AGAP1: variants seen among roughly 807,000 people sequenced by gnomAD.
AGAP1 encodes the protein ArfGAP with GTPase domain, ankyrin repeat and PH domain 1, also known as arf-GAP with GTPase, ANK repeat and PH domain-containing protein 1.
Under a neutral mutation model 105.3 loss-of-function variants are expected in AGAP1, and 29 were observed. That is an observed-to-expected ratio of 0.28 (90% CI 0.21 to 0.38). AGAP1 has a LOEUF of 0.38. Among genes scored for constraint, AGAP1 ranks in the 10% least tolerant of loss-of-function variants. The pLI, the probability that AGAP1 is intolerant of heterozygous loss-of-function variation, is 1.00. For missense variants in AGAP1, 998 were observed against 1,165.1 expected, an observed-to-expected ratio of 0.86 and a Z score of 2.09; for synonymous variants, 509 against 485.9, an observed-to-expected ratio of 1.05 and a Z score of -0.63.
At chr2:235,854,875 C>T (rs2106472476) in intron 9 of AGAP1, among the ~76,000 whole-genome samples, 1 of 152,218 alleles carries the variant, frequency 6.6e-6, no homozygotes, top group African/African-American at 2.4e-5. Context: ...GAGTCTGCAT[C>T]CTGTACAGTG....
chr2:235,779,978 A>G (rs531547781), intron 6 of AGAP1, among the ~76,000 whole-genome samples: 10 of 152,318 alleles, frequency 6.6e-5, no homozygotes, highest in Admixed American at 4.6e-4. Context: ...CCTCTATTCC[A>G]TTAAAGAATT....
At chr2:235,986,658 T>G (rs1334671652) in intron 13 of AGAP1, among the ~76,000 whole-genome samples, 5 of 152,234 alleles carry the variant, frequency 3.3e-5, no homozygotes, top group Admixed American at 6.5e-5. Flanking sequence ...GAATACCTAG[T>G]TTATTGAAAG....
intron 8 of AGAP1, among the ~76,000 whole-genome samples, chr2:235,803,857 C>T (rs1957705184): frequency 6.6e-6 from 1 of 152,102 alleles, no homozygotes; most frequent in Admixed American, 6.5e-5. Context: ...TTTTATTTCA[C>T]TTATTTCTTT....
In AGAP1 at chr2:235,793,140, G is replaced by A. The variant is rs1463807103; in HGVS notation, c.674-4619G>A. On this transcript the variant is annotated intron_variant, in intron 6 of 17. Transcript: ENST00000304032. This position sits in a 1 kb window ranked among gnomAD's most constrained non-coding sequence, Gnocchi z 5.3. Reference sequence around the variant, plus strand: ...GCTGCTCAGAGGTCCAGGAAGGTGCGACCTAGCCTCTGGACCACTCCCAGT... The same window carrying A: ...GCTGCTCAGAGGTCCAGGAAGGTGCAACCTAGCCTCTGGACCACTCCCAGT... Among the ~76,000 whole-genome samples, 6 of 152,224 alleles carry A rather than the reference G, an allele frequency of 3.9e-5. No homozygotes were observed. The South Asian group carries it at 1.0e-3, about 26-fold the overall frequency.
rs369358112 is a variant in AGAP1 at position 235,664,222 on chromosome 2, T to G, written c.164-44957T>G. 1.5e-3 allele frequency among the ~76,000 whole-genome samples: 227 copies of G among 152,140 alleles called. 2 individuals are homozygous for G. The highest frequency in any genetic ancestry group is 4.6e-3 in the African/African-American group (192 of 41,498). The stretch of plus-strand genomic sequence containing the variant: ...AATATATAGTTTGTTTTTTTGTTTT[T>G]TTTTTCGAGACGGAGTTTCACTATT... On this transcript the variant is annotated intron_variant, in intron 1 of 17. Transcript: ENST00000304032. The surrounding 1 kb of genome is among the most constrained non-coding windows in gnomAD (Gnocchi z 5.7).
intron 5 of AGAP1, among the ~76,000 whole-genome samples, chr2:235,749,386 A>G (rs544336816): frequency 6.6e-6 from 1 of 152,104 alleles, no homozygotes; most frequent in Non-Finnish European, 1.5e-5. Context: ...GCTTAAAAAA[A>G]AAAAAAGCTC....
chr2:235,498,459 C>T (rs1423425690), intron 1 of AGAP1, among the ~76,000 whole-genome samples: 3 of 152,186 alleles, frequency 2.0e-5, no homozygotes, highest in Non-Finnish European at 2.9e-5. Context: ...TCCGCAGCCA[C>T]CATGCCCAGA....
In AGAP1 at chr2:236,038,815, T is replaced by TTGTGTGTGTGTG. The variant is rs751193768; in HGVS notation, c.1801-1933_1801-1932insGTGTGTGTGTGT. Reference sequence around the variant, plus strand: ...CACAGAGAGACAGAGGCACATCCCTTTGTATGTGTGTGTGTGTGTGTGTGT... The same window carrying TTGTGTGTGTGTG: ...CACAGAGAGACAGAGGCACATCCCTTTGTGTGTGTGTGTGTATGTGTGTGTGTGTGTGTGTGT... On this transcript the variant is annotated intron_variant, in intron 14 of 17. Coordinates refer to ENST00000304032, the MANE Select transcript of AGAP1 (RefSeq NM_001037131.3). The surrounding 1 kb of genome is among the most constrained non-coding windows in gnomAD (Gnocchi z 4.5). Among the ~76,000 whole-genome samples, 2 of 128,572 alleles carry TTGTGTGTGTGTG rather than the reference T, an allele frequency of 1.6e-5. No individual in the cohort carries two copies. Among genetic ancestry groups the TTGTGTGTGTGTG allele is most frequent in the South Asian group, 4.9e-4 (2 of 4,062 alleles). 84.3% of individuals were successfully genotyped at this position (128,572 alleles called of 152,430 possible).
At position 235,919,711 on chromosome 2, in the gene AGAP1, C is replaced by A. The variant is rs2052077459; in HGVS notation, c.1324+10805C>A. On this transcript the variant is annotated intron_variant, in intron 11 of 17. Transcript: ENST00000304032. The surrounding 1 kb of genome is among the most constrained non-coding windows in gnomAD (Gnocchi z 4.1). Reference sequence around the variant, plus strand: ...ATGAAAATGAATTTCATGTTAAAAACACACACACACACACCTGTTGCATTT... The same window carrying A: ...ATGAAAATGAATTTCATGTTAAAAAAACACACACACACACCTGTTGCATTT... Among the ~76,000 whole-genome samples the A allele has an allele frequency of 6.6e-6, 1 of 151,910 alleles. No individual in the cohort carries two copies. Among genetic ancestry groups the A allele is most frequent in the Non-Finnish European group, 1.5e-5 (1 of 67,968 alleles).
rs774374682 is a variant in AGAP1 at position 235,973,068 on chromosome 2, A to G, written c.1645+4445A>G. ...CGCACTTATTCAGAAAGTAAAGGCT[A>G]ATAGTAGGAATCATCAGTACCTGCT... On this transcript the variant is annotated intron_variant, in intron 13 of 17. Coordinates refer to ENST00000304032, the MANE Select transcript of AGAP1 (RefSeq NM_001037131.3). The surrounding 1 kb of genome is among the most constrained non-coding windows in gnomAD (Gnocchi z 4.7). 1.3e-5 allele frequency among the ~76,000 whole-genome samples: 2 copies of G among 152,142 alleles called. No homozygotes were observed. The highest frequency in any genetic ancestry group is 2.9e-5 in the Non-Finnish European group (2 of 68,018).
rs1244223818 is a variant in AGAP1 at position 235,973,708 on chromosome 2, T to G, written c.1645+5085T>G. 1.3e-5 allele frequency among the ~76,000 whole-genome samples: 2 copies of G among 152,266 alleles called. No individual in the cohort carries two copies. The highest frequency in any genetic ancestry group is 3.9e-4 in the East Asian group (2 of 5,180). ...TGGGTGGAAGCCTCAAGGAGGTGGA[T>G]TTTGATTCTGATATTAAAAGCTCTA... On this transcript the variant is annotated intron_variant, in intron 13 of 17. Coordinates refer to ENST00000304032, the MANE Select transcript of AGAP1 (RefSeq NM_001037131.3). This position sits in a 1 kb window ranked among gnomAD's most constrained non-coding sequence, Gnocchi z 4.7.
At chr2:235,707,944 C>A (rs762439614) in intron 1 of AGAP1, among the ~76,000 whole-genome samples, 8 of 150,834 alleles carry the variant, frequency 5.3e-5, no homozygotes, top group Non-Finnish European at 1.5e-5. Context: ...AATCATGTGA[C>A]CTGGTGGGAC....
chr2:235,755,037 C>T (rs1318975288), intron 6 of AGAP1, among the ~76,000 whole-genome samples: 3 of 152,210 alleles, frequency 2.0e-5, no homozygotes, highest in Non-Finnish European at 2.9e-5. Flanking sequence ...CTGAGCCGGA[C>T]GTGGGCTGTG....
intron 12 of AGAP1, among the ~76,000 whole-genome samples, chr2:235,954,091 T>C (rs988579175): frequency 6.6e-6 from 1 of 151,530 alleles, no homozygotes; most frequent in African/African-American, 2.4e-5. Flanking sequence ...AATACAAAAT[T>C]AGCCAGGCGT....
At chr2:236,098,280 A>G (rs2059245376) in intron 16 of AGAP1, among the ~76,000 whole-genome samples, 1 of 152,094 alleles carries the variant, frequency 6.6e-6, no homozygotes, top group East Asian at 1.9e-4. Flanking sequence ...CGTTTTATTC[A>G]TTTAAAATAT....
intron 1 of AGAP1, among the ~76,000 whole-genome samples, chr2:235,652,099 T>C (rs531784693): frequency 1.3e-5 from 2 of 152,150 alleles, no homozygotes; most frequent in Non-Finnish European, 2.9e-5. Flanking sequence ...TTAATTTCAT[T>C]TGAAAGACAC....
Position 235,962,748 on chromosome 2 carries a change from G to T in AGAP1, c.1484-5714G>T, listed in dbSNP as rs371253908. Reference sequence around the variant, plus strand: ...GTGTGCGAGAGGTTGAAAACTAGAAGCTCTGGTTGAAATTCCATGGGGTTT... The same window carrying T: ...GTGTGCGAGAGGTTGAAAACTAGAATCTCTGGTTGAAATTCCATGGGGTTT... On this transcript the variant is annotated intron_variant, in intron 12 of 17. Transcript: ENST00000304032. The surrounding 1 kb of genome is among the most constrained non-coding windows in gnomAD (Gnocchi z 5.3). Among the ~76,000 whole-genome samples, 1 of 152,192 alleles carries T rather than the reference G, an allele frequency of 6.6e-6. No homozygotes were observed. Among genetic ancestry groups the T allele is most frequent in the Non-Finnish European group, 1.5e-5 (1 of 68,034 alleles).
rs1311208927 is a variant in AGAP1, at chr2:235,620,116, G to GAGACTTGTCATTCTTCTCCTGC, written c.164-89062_164-89041dup. Among the ~76,000 whole-genome samples the GAGACTTGTCATTCTTCTCCTGC allele has an allele frequency of 1.4e-4, 21 of 152,202 alleles. No individual in the cohort carries two copies. The highest frequency in any genetic ancestry group is 5.9e-4 in the Admixed American group (9 of 15,294). On this transcript the variant is annotated intron_variant, in intron 1 of 17. Coordinates refer to ENST00000304032, the MANE Select transcript of AGAP1 (RefSeq NM_001037131.3). This position sits in a 1 kb window ranked among gnomAD's most constrained non-coding sequence, Gnocchi z 4.5. ...TCACAGCTGAAGCCCTCGCATGCTG[G>GAGACTTGTCATTCTTCTCCTGC]AGACTTGTCATTCTTCTCCTGCCGG...
intron 1 of AGAP1, among the ~76,000 whole-genome samples, chr2:235,540,006 G>A (rs1943380393): frequency 6.6e-6 from 1 of 152,096 alleles, no homozygotes; most frequent in Non-Finnish European, 1.5e-5. Flanking sequence ...TCCCTCCCAG[G>A]GAACTGTCCC....
Sources: gnomAD v4.1 joint callset for allele counts (sites outside exome capture counted in the v4.1 genomes callset) on GRCh38, gnomAD v4.1.1 for gene constraint, Gnocchi (gnomAD v3.1) non-coding constraint, MANE v1.5 for transcripts, NCBI Gene and HGNC (gene_info 2026-07-23, HGNC 2026-07-21) for gene names.